Variants in LRRC8D observed in about 807,000 individuals in gnomAD.
The protein encoded by LRRC8D is volume-regulated anion channel subunit LRRC8D.
In LRRC8D, 20 loss-of-function variants were observed where a neutral mutation model predicts 55.8. That is an observed-to-expected ratio of 0.36 (90% CI 0.25 to 0.52). The LOEUF (loss-of-function observed/expected upper bound fraction) is 0.52, where lower values mean the gene tolerates loss of function less well. Ranked by LOEUF, LRRC8D falls within the 20% of genes least tolerant of loss-of-function variation. The pLI is 0.93. For missense variants in LRRC8D, 651 were observed against 1,030.8 expected (o/e 0.63, Z 5.05); for synonymous variants, 352 against 377.0 (o/e 0.93, Z 0.77).
chr1:89,902,267 A>G (rs972608686), intron 2 of LRRC8D, among the ~76,000 whole-genome samples: 1 of 152,262 alleles, frequency 6.6e-6, no homozygotes, highest in Non-Finnish European at 1.5e-5. Flanking sequence ...AACCGTATTA[A>G]CAAAGTGTGC....
At chr1:89,896,368 A>G (rs1422417028) in intron 2 of LRRC8D, among the ~76,000 whole-genome samples, 1 of 152,192 alleles carries the variant, frequency 6.6e-6, no homozygotes, top group East Asian at 1.9e-4. Context: ...AAGGGGAAGC[A>G]AGATAAAAAT....
intron 2 of LRRC8D, among the ~76,000 whole-genome samples, chr1:89,890,496 A>G (rs1313441925): frequency 2.6e-5 from 4 of 152,182 alleles, no homozygotes; most frequent in Admixed American, 2.6e-4. Context: ...GAGGCTCAAT[A>G]TGTAGAATTC....
At chr1:89,855,629 G>T (rs1213630612) in intron 2 of LRRC8D, among the ~76,000 whole-genome samples, 2 of 152,130 alleles carry the variant, frequency 1.3e-5, no homozygotes, top group South Asian at 4.1e-4. Flanking sequence ...TTTTAAAAAT[G>T]CACCCTTTTA....
intron 2 of LRRC8D, among the ~76,000 whole-genome samples, chr1:89,905,436 C>T (rs1267860324): frequency 5.3e-5 from 8 of 152,104 alleles, no homozygotes; most frequent in Admixed American, 4.6e-4. Flanking sequence ...CACATTTTTG[C>T]ACATATATCT....
chr1:89,933,741 A>G lies in LRRC8D; in HGVS notation c.673A>G (p.Lys225Glu). ...AGCATGCGAAGACTCAGAGGAAAAC[A>G]AGCAGAGAATAACAGGTGCCCAGAC... ...ETACEDSEENKQRITGAQTLP... is the reference protein window; with the variant it reads ...ETACEDSEENEQRITGAQTLP... The change falls in exon 3 of 3, where the codon AAG (lysine) becomes GAG (glutamate). Residue 225 changes from lysine (K) to glutamate (E), a missense_variant. Physicochemically the swap from Lys to Glu is moderately conservative, Grantham distance 56. This residue lies in a region of LRRC8D where 178 missense variants were observed against 374.9 expected (regional missense o/e 0.47). Transcript: ENST00000337338. This position sits in a 1 kb window ranked among gnomAD's most constrained non-coding sequence, Gnocchi z 7.0. 6.2e-7 allele frequency: 1 copy of G among 1,614,180 alleles called. No homozygotes were observed. Among genetic ancestry groups the G allele is most frequent in the Non-Finnish European group, 8.5e-7 (1 of 1,180,026 alleles).
At chr1:89,838,471 A>T (rs1473155429) in intron 1 of LRRC8D, among the ~76,000 whole-genome samples, 1 of 152,232 alleles carries the variant, frequency 6.6e-6, no homozygotes, top group Non-Finnish European at 1.5e-5. Flanking sequence ...AACAGACAAA[A>T]CATGCTTTCC....
chr1:89,906,206 A>G (rs1203914917), intron 2 of LRRC8D, among the ~76,000 whole-genome samples: 1 of 152,206 alleles, frequency 6.6e-6, no homozygotes, highest in African/African-American at 2.4e-5. Context: ...ACTAAAGAAA[A>G]TGAGCGGAAC....
intron 2 of LRRC8D, among the ~76,000 whole-genome samples, chr1:89,887,422 A>G (rs1662448399): frequency 6.6e-6 from 1 of 152,198 alleles, no homozygotes. Flanking sequence ...TGAACTGAAC[A>G]CAGAATGACA....
rs754236267 is a variant in LRRC8D at position 89,935,354 on chromosome 1, C to T, written c.2286C>T (p.Asn762=). ...TGCAGCATTTGCATATCACTGGGAA[C>T]AAAGTGGACATTCTGCCAAAACAAT... ...QNLQHLHITG[N]KVDILPKQLF... The change falls in exon 3 of 3, where the codon AAC becomes AAT. Residue 762 remains asparagine (N), a synonymous_variant. Coordinates refer to ENST00000337338, the MANE Select transcript of LRRC8D (RefSeq NM_001134479.2). 4.3e-6 allele frequency: 7 copies of T among 1,614,232 alleles called. No individual in the cohort carries two copies. Among genetic ancestry groups the T allele is most frequent in the Non-Finnish European group, 5.9e-6 (7 of 1,180,042 alleles).
chr1:89,902,206 T>C (rs1434205405), intron 2 of LRRC8D, among the ~76,000 whole-genome samples: 1 of 152,272 alleles, frequency 6.6e-6, no homozygotes, highest in Non-Finnish European at 1.5e-5. Flanking sequence ...GACCAGTCTC[T>C]GGAAGATGCT....
intron 1 of LRRC8D, among the ~76,000 whole-genome samples, chr1:89,832,712 T>A (rs1175363412): frequency 6.6e-6 from 1 of 152,194 alleles, no homozygotes; most frequent in Non-Finnish European, 1.5e-5. Context: ...GAAGATCCTA[T>A]CAGGAAGTGA....
intron 2 of LRRC8D, among the ~76,000 whole-genome samples, chr1:89,888,980 T>C (rs891974012): frequency 6.6e-6 from 1 of 152,004 alleles, no homozygotes; most frequent in Admixed American, 6.6e-5. Flanking sequence ...CTCAAAGAAG[T>C]GGGTTATAAT....
Position 89,932,404 on chromosome 1 carries a change from C to T in LRRC8D, c.-2-663C>T, listed in dbSNP as rs943744744. ...TGTGTATAGTAAGACTCCTCCTAAA[C>T]GCTAGACCCTTAGTTTCAACTGTTC... On this transcript the variant is annotated intron_variant, in intron 2 of 2. Transcript: ENST00000337338. 3.9e-5 allele frequency among the ~76,000 whole-genome samples: 6 copies of T among 152,170 alleles called. No individual in the cohort carries two copies. In the East Asian group the frequency reaches 9.6e-4, roughly 24 times the overall value.
In LRRC8D at chr1:89,907,525, A is replaced by G. The variant is rs76050623; in HGVS notation, c.-2-25542A>G. Among the ~76,000 whole-genome samples, 1,172 of 152,258 alleles carry G rather than the reference A, an allele frequency of 7.7e-3. 16 individuals carry two copies. Among genetic ancestry groups the G allele is most frequent in the African/African-American group, 0.026 (1,093 of 41,544 alleles). On this transcript the variant is annotated intron_variant, in intron 2 of 2. Transcript: ENST00000337338. ...TTTAAATCGTGTATTGCCTATGAGC[A>G]GATGAGGAAGAGGAATCACACTGTC...
chr1:89,862,246 T>A (rs568166317), intron 2 of LRRC8D, among the ~76,000 whole-genome samples: 34 of 152,262 alleles, frequency 2.2e-4, no homozygotes, highest in African/African-American at 7.9e-4. Flanking sequence ...AAAAGGCAAG[T>A]CAGGGAGATG....
chr1:89,832,409 G>C lies in LRRC8D; in HGVS notation c.-148+11118G>C, dbSNP rs1660909689. Among the ~76,000 whole-genome samples the C allele has an allele frequency of 2.6e-5, 4 of 152,280 alleles. 1 individual carries two copies. Among genetic ancestry groups the C allele is most frequent in the Middle Eastern group, 3.4e-3 (1 of 294 alleles). On this transcript the variant is annotated intron_variant, in intron 1 of 2. Coordinates refer to ENST00000337338, the MANE Select transcript of LRRC8D (RefSeq NM_001134479.2). ...TTCATCATCTGCAGGTTTTATTCCA[G>C]TCCTGGGGCTATCATCCCTGTGTGA... is the stretch of plus-strand genomic sequence containing the variant.
At chr1:89,888,632 G>A (rs1223380467) in intron 2 of LRRC8D, among the ~76,000 whole-genome samples, 1 of 152,178 alleles carries the variant, frequency 6.6e-6, no homozygotes, top group Non-Finnish European at 1.5e-5. Flanking sequence ...AAAGCCACCA[G>A]GTCTCCTGGC....
intron 1 of LRRC8D, among the ~76,000 whole-genome samples, chr1:89,834,622 C>T (rs1660963495): frequency 6.6e-6 from 1 of 152,184 alleles, no homozygotes; most frequent in Non-Finnish European, 1.5e-5. Flanking sequence ...TAATTCAGCA[C>T]AGTTTGCAGT....
intron 2 of LRRC8D, among the ~76,000 whole-genome samples, chr1:89,876,670 G>A (rs1469466090): frequency 6.6e-6 from 1 of 152,176 alleles, no homozygotes; most frequent in Non-Finnish European, 1.5e-5. Flanking sequence ...TGGTCTACAG[G>A]ACAGCTGCCT....
Sources: gnomAD v4.1 joint callset for allele counts (sites outside exome capture counted in the v4.1 genomes callset) on GRCh38, gnomAD v4.1.1 for gene constraint, gnomAD v4.1.1 regional missense constraint, Gnocchi (gnomAD v3.1) non-coding constraint, MANE v1.5 for transcripts, NCBI Gene and HGNC (gene_info 2026-07-23, HGNC 2026-07-21) for gene names.